Variants in LRP1B observed in about 807,000 individuals in gnomAD.
LRP1B encodes LDL receptor related protein 1B.
A neutral mutation model predicts 556.6 loss-of-function variants in LRP1B; 217 were observed. That is an observed-to-expected ratio of 0.39 (90% CI 0.35 to 0.44). The LOEUF is 0.44. Ranked by LOEUF, LRP1B falls within the 20% of genes least tolerant of loss-of-function variation. The pLI is 1.00. For missense variants in LRP1B, 5,053 were observed against 5,620.8 expected, an observed-to-expected ratio of 0.90 and a Z score of 3.23; for synonymous variants, 2,047 against 1,865.8, an observed-to-expected ratio of 1.10 and a Z score of -2.50.
chr2:141,048,595 C>G (rs1210726577), intron 11 of LRP1B, among the ~76,000 whole-genome samples: 1 of 152,006 alleles, frequency 6.6e-6, no homozygotes, highest in African/African-American at 2.4e-5. Context: ...ATTTTTCATG[C>G]ATTTTGAGTG....
chr2:140,479,454 C>T (rs755480584), intron 59 of LRP1B, among the ~76,000 whole-genome samples: 19 of 152,022 alleles, frequency 1.2e-4, no homozygotes, highest in African/African-American at 2.2e-4. Context: ...ACCTATTCTG[C>T]GAGATATAAT....
At chr2:140,839,927 G>T in intron 31 of LRP1B, 64 bp downstream of exon 31, 1 of 938,432 alleles carries the variant, frequency 1.1e-6, no homozygotes, top group Non-Finnish European at 1.7e-6. Context: ...TAGATCAAAG[G>T]TATATTGTAC....
intron 40 of LRP1B, 31 bp downstream of exon 40, chr2:140,701,690 A>T (rs1478265843): frequency 6.3e-7 from 1 of 1,580,592 alleles, no homozygotes; most frequent in Non-Finnish European, 8.6e-7. Flanking sequence ...CATAAAATAT[A>T]CATATTATGT....
Position 140,719,000 on chromosome 2 carries a change from T to A in LRP1B, c.5759-2184A>T, listed in dbSNP as rs149847727. 1.1e-4 allele frequency among the ~76,000 whole-genome samples: 17 copies of A among 152,234 alleles called. 1 individual carries two copies. The East Asian group carries it at 2.5e-3, about 22-fold the overall frequency. On this transcript the variant is annotated intron_variant, in intron 35 of 90. Coordinates refer to ENST00000389484, the MANE Select transcript of LRP1B (RefSeq NM_018557.3). Reference sequence around the variant, plus strand: ...CTCTATTCTCTCTCACCAAAATGTATTTTCCTCCGTAGCACTTATCATTAT... The same window carrying A: ...CTCTATTCTCTCTCACCAAAATGTAATTTCCTCCGTAGCACTTATCATTAT...
chr2:140,688,998 G>A (rs1041476857), intron 41 of LRP1B, among the ~76,000 whole-genome samples: 2 of 152,148 alleles, frequency 1.3e-5, no homozygotes, highest in Admixed American at 6.6e-5. Context: ...ATTCTGGAAT[G>A]GTTTGTTTTG....
chr2:140,348,047 T>TTAGA (rs1251018386), intron 77 of LRP1B, among the ~76,000 whole-genome samples: 1 of 151,992 alleles, frequency 6.6e-6, no homozygotes, highest in Non-Finnish European at 1.5e-5. Flanking sequence ...CAGATAATAA[T>TTAGA]TAGATAGATA....
intron 1 of LRP1B, among the ~76,000 whole-genome samples, chr2:141,959,218 A>T (rs1210353585): frequency 6.6e-6 from 1 of 151,952 alleles, no homozygotes; most frequent in Non-Finnish European, 1.5e-5. Flanking sequence ...GTTTCTAATG[A>T]CCTCAAATGA....
chr2:140,859,090 GT>G (rs1191405572), intron 27 of LRP1B, among the ~76,000 whole-genome samples: 2 of 152,088 alleles, frequency 1.3e-5, no homozygotes, highest in African/African-American at 4.8e-5. Context: ...AAAGTGCTGG[GT>G]TTACCAGTGT....
intron 49 of LRP1B, among the ~76,000 whole-genome samples, chr2:140,523,060 A>G (rs1180226893): frequency 1.3e-5 from 2 of 151,956 alleles, no homozygotes; most frequent in African/African-American, 4.8e-5. Context: ...TCATCCTAAT[A>G]CCAAAATCTG....
chr2:141,423,262 C>T (rs6717169), intron 3 of LRP1B, among the ~76,000 whole-genome samples: 114,130 of 146,204 alleles, frequency 0.78, 44,712 homozygotes, highest in East Asian at 0.92. Context: ...CTGTTTATAA[C>T]TGCCCTCTCA....
At chr2:141,736,867 C>T (rs1693488155) in intron 2 of LRP1B, among the ~76,000 whole-genome samples, 1 of 152,116 alleles carries the variant, frequency 6.6e-6, no homozygotes, top group African/African-American at 2.4e-5. Flanking sequence ...GGATGACCCC[C>T]AAACAGGAGA....
intron 1 of LRP1B, among the ~76,000 whole-genome samples, chr2:142,020,801 A>G (rs940557223): frequency 6.6e-6 from 1 of 152,234 alleles, no homozygotes; most frequent in South Asian, 2.1e-4. Flanking sequence ...AATCAAGATC[A>G]AGGGTGGTCA....
In LRP1B at chr2:140,461,008, A is replaced by T. The variant is rs183891888; in HGVS notation, c.9626-3357T>A. Among the ~76,000 whole-genome samples, 279 of 151,328 alleles carry T rather than the reference A, an allele frequency of 1.8e-3. 2 individuals carry two copies. The highest frequency in any genetic ancestry group is 0.016 in the Admixed American group (246 of 15,154). On this transcript the variant is annotated intron_variant, in intron 60 of 90. Transcript: ENST00000389484. Reference sequence around the variant, plus strand: ...AACCCGGGAGGTGGAGGTTGCAGTGAGCCAAGATCGCACCACTGCACTCCA... The same window carrying T: ...AACCCGGGAGGTGGAGGTTGCAGTGTGCCAAGATCGCACCACTGCACTCCA...
intron 2 of LRP1B, among the ~76,000 whole-genome samples, chr2:141,515,304 AG>A (rs75060136): frequency 0.041 from 5,845 of 144,176 alleles, 225 homozygotes; most frequent in South Asian, 0.14. Flanking sequence ...CTCCGTCAAA[AG>A]AAAAAAAAAA....
chr2:140,966,119 G>A (rs1696213317), intron 18 of LRP1B, among the ~76,000 whole-genome samples: 1 of 152,184 alleles, frequency 6.6e-6, no homozygotes, highest in South Asian at 2.1e-4. Flanking sequence ...AGATCCTTGA[G>A]GAATCACCAC....
At chr2:140,744,726 C>T (rs148972016) in intron 35 of LRP1B, among the ~76,000 whole-genome samples, 205 of 152,250 alleles carry the variant, frequency 1.3e-3, no homozygotes, top group East Asian at 9.3e-3. Context: ...ATTTTTCACT[C>T]TGTAATGTGT....
At chr2:140,665,398 T>G (rs1477843863) in intron 41 of LRP1B, among the ~76,000 whole-genome samples, 1 of 152,196 alleles carries the variant, frequency 6.6e-6, no homozygotes. Flanking sequence ...TCCAGTATTT[T>G]TCTACAACAT....
Position 141,008,401 on chromosome 2 carries a change from C to T in LRP1B, c.2381-2944G>A, listed in dbSNP as rs561055992. 3.3e-3 allele frequency among the ~76,000 whole-genome samples: 502 copies of T among 150,962 alleles called. 2 individuals are homozygous for T. Among genetic ancestry groups the T allele is most frequent in the African/African-American group, 0.011 (458 of 41,354 alleles). ...TAGGAAATAATTCTTATTAAATTAT[C>T]ATTTATTTCTAATCATTATAATTAT... On this transcript the variant is annotated intron_variant, in intron 14 of 90. Transcript: ENST00000389484.
At chr2:140,591,207 C>A (rs1682210366) in intron 43 of LRP1B, among the ~76,000 whole-genome samples, 1 of 152,158 alleles carries the variant, frequency 6.6e-6, no homozygotes, top group Admixed American at 6.5e-5. Flanking sequence ...AACAAAACGT[C>A]CGATATCCAG....
Sources: gnomAD v4.1 joint callset for allele counts (sites outside exome capture counted in the v4.1 genomes callset) on GRCh38, gnomAD v4.1.1 for gene constraint, MANE v1.5 for transcripts, NCBI Gene and HGNC (gene_info 2026-07-23, HGNC 2026-07-21) for gene names.